Variants in TSC2 observed in about 807,000 individuals in gnomAD.
TSC2 encodes tuberin.
Under a neutral mutation model 202.2 loss-of-function variants are expected in TSC2, and 29 were observed. The ratio of observed to expected loss-of-function variants is 0.14; its 90% confidence interval spans 0.11 to 0.20. The LOEUF (loss-of-function observed/expected upper bound fraction) is 0.20. TSC2 is among the 10% of genes least tolerant of loss of function. The pLI is 1.00. For missense variants in TSC2, 2,429 were observed against 2,420.0 expected (o/e 1.00, Z -0.08); for synonymous variants, 1,349 against 1,044.0 (o/e 1.29, Z -5.63).
At chr16:2,052,102 T>C (rs565082391) in intron 3 of TSC2, among the ~76,000 whole-genome samples, 1 of 152,186 alleles carries the variant, frequency 6.6e-6, no homozygotes, top group East Asian at 1.9e-4. Flanking sequence ...CATCCTGTTC[T>C]GAAAGTTGTT....
intron 1 of TSC2, 192 bp downstream of exon 1, chr16:2,048,257 GCTC>G: frequency 7.7e-7 from 1 of 1,301,470 alleles, no homozygotes. Flanking sequence ...CTCCGTGACA[GCTC>G]CTGCTTCACA....
At position 2,054,430 on chromosome 16, in the gene TSC2, G is replaced by A. The variant is rs1449885781; in HGVS notation, c.471G>A (p.Glu157=). 6.2e-7 allele frequency: 1 copy of A among 1,614,100 alleles called. No individual in the cohort carries two copies. Among genetic ancestry groups the A allele is most frequent in the Non-Finnish European group, 8.5e-7 (1 of 1,180,054 alleles). ...ATGGGAGACACATCACCTACTTGGA[G>A]GAAGAGCTGGGTGGGTGCCACCTTG... is the stretch of plus-strand genomic sequence containing the variant. ...TDNGRHITYL[E]EELADFVLQW... Residue 157 remains glutamate (E), a synonymous_variant, in exon 5 of 42, where the codon GAG becomes GAA. Transcript: ENST00000219476.
chr16:2,054,504 A>G (rs1380402840), intron 5 of TSC2, 64 bp downstream of exon 5: 34 of 1,609,964 alleles, frequency 2.1e-5, no homozygotes, highest in Non-Finnish European at 2.7e-5. Context: ...CTGGATGGGA[A>G]GGACCTGGGG....
Position 2,083,687 on chromosome 16 carries a change from C to G in TSC2, c.3884-8C>G, listed in dbSNP as rs397515219. The G allele has an allele frequency of 2.5e-6, 4 of 1,575,778 alleles. No individual in the cohort carries two copies. The Admixed American group carries it at 7.5e-5, about 29-fold the overall frequency. ...CCACATCCAGCAGCCCCGTCTGTGT[C>G]CTCCCAGACTCCGCCGTGGTCATGG... On this transcript the variant is annotated splice_region_variant and splice_polypyrimidine_tract_variant and intron_variant, in intron 32 of 41. Transcript: ENST00000219476.
intron 3 of TSC2, 32 bp from the exon 4 acceptor site, chr16:2,053,310 A>T (rs137854185): frequency 2.6e-6 from 4 of 1,551,996 alleles, no homozygotes; most frequent in African/African-American, 1.4e-5. Flanking sequence ...TGGAGAGCAC[A>T]TCCTCACCGC....
rs1447031509 is a variant in TSC2 at position 2,076,576 on chromosome 16, G to A, written c.2828G>A (p.Arg943Lys). ...GCCCGGAGTACTAGTCTCAACGAGA[G>A]ACCCAAGAGGTACGGCCTGCGGGGG... ...FRARSTSLNE[R>K]PKSLRIARPP... Residue 943 changes from arginine to lysine, a missense_variant, in exon 25 of 42, where the codon AGA becomes AAA. Arg to Lys is a conservative substitution (Grantham distance 26). Transcript: ENST00000219476. 6.2e-7 allele frequency: 1 copy of A among 1,613,210 alleles called. No homozygotes were observed. The highest frequency in any genetic ancestry group is 8.5e-7 in the Non-Finnish European group (1 of 1,179,982).
Position 2,076,596 on chromosome 16 carries a change from C to CG in TSC2, c.2837+16dup, listed in dbSNP as rs2151396918. 1 of 1,612,370 alleles carries CG rather than the reference C, an allele frequency of 6.2e-7. No individual in the cohort carries two copies. Among genetic ancestry groups the CG allele is most frequent in the Non-Finnish European group, 8.5e-7 (1 of 1,179,672 alleles). On this transcript the variant is annotated intron_variant, in intron 25 of 41. Coordinates refer to ENST00000219476, the MANE Select transcript of TSC2 (RefSeq NM_000548.5). ...CGAGAGACCCAAGAGGTACGGCCTG[C>CG]GGGGGTGTGCCTGGAGTCGGTGTGG... is the stretch of plus-strand genomic sequence containing the variant.
chr16:2,079,812 C>T lies in TSC2; in HGVS notation c.3397+143C>T, dbSNP rs1236545715. On this transcript the variant is annotated intron_variant, in intron 29 of 41. Coordinates refer to ENST00000219476, the MANE Select transcript of TSC2 (RefSeq NM_000548.5). The surrounding 1 kb of genome is among the most constrained non-coding windows in gnomAD (Gnocchi z 4.6). ...CCCACGTCCTGACTCTGGGGTGAGC[C>T]TTCCACAGCTCACCCCAGAGCCGTG... 17 of 799,638 alleles carry T rather than the reference C, an allele frequency of 2.1e-5. No homozygotes were observed. Among genetic ancestry groups the T allele is most frequent in the Non-Finnish European group, 1.9e-5 (10 of 517,542 alleles). The allele number at this position is 799,638 out of a possible 1,614,324, so 49.5% of individuals were successfully genotyped here. A position where few individuals can be genotyped will look rare whatever the true frequency, so the allele number is the denominator to read the frequency against.
rs535984356 is a variant in TSC2 at position 2,062,571 on chromosome 16, C to G, written c.1332C>G (p.Asn444Lys). ...CGGCCAAGGACGGCTGGATTCAGAA[C>G]CTGCAGGCGCTGATGGAGAGATTCT... ...IHPAKDGWIQ[N>K]LQALMERFFR... is the part of the protein sequence containing the mutation. Residue 444 changes from asparagine (N) to lysine (K), a missense_variant, in exon 13 of 42, where the codon AAC becomes AAG. Physicochemically the swap from Asn to Lys is moderately conservative, Grantham distance 94 (BLOSUM62 0). Coordinates refer to ENST00000219476, the MANE Select transcript of TSC2 (RefSeq NM_000548.5). 1.2e-6 allele frequency: 2 copies of G among 1,611,236 alleles called. No homozygotes were observed. Among genetic ancestry groups the G allele is most frequent in the African/African-American group, 2.7e-5 (2 of 74,908 alleles).
chr16:2,074,097 A>G, intron 21 of TSC2, 103 bp from the exon 22 acceptor site: 1 of 1,479,390 alleles, frequency 6.8e-7, no homozygotes. Flanking sequence ...GGACTTGCTA[A>G]GCCTCGGCTG....
chr16:2,065,733 C>T, intron 16 of TSC2, 98 bp downstream of exon 16: 2 of 1,078,176 alleles, frequency 1.9e-6, no homozygotes, highest in Non-Finnish European at 2.8e-6. Context: ...CCAGCGGGAC[C>T]CACACCCTCC....
Position 2,056,316 on chromosome 16 carries a change from G to A in TSC2, c.648+72G>A, listed in dbSNP as rs1321233117. 3.1e-6 allele frequency: 5 copies of A among 1,592,788 alleles called. No individual in the cohort carries two copies. In the East Asian group the frequency reaches 1.1e-4, roughly 36 times the overall value. ...TGGGAGGCTGGGGCTTGGGGGTTGA[G>A]CCCTGTGTGCCACCTGCTGGCTGTG... is the stretch of plus-strand genomic sequence containing the variant. On this transcript the variant is annotated intron_variant, in intron 7 of 41. Coordinates refer to ENST00000219476, the MANE Select transcript of TSC2 (RefSeq NM_000548.5).
In TSC2 at chr16:2,072,243, G is replaced by T. The variant is rs571792874; in HGVS notation, c.2100G>T (p.Glu700Asp). 5 of 1,614,072 alleles carry T rather than the reference G, an allele frequency of 3.1e-6. No individual in the cohort carries two copies. Among genetic ancestry groups the T allele is most frequent in the Non-Finnish European group, 3.4e-6 (4 of 1,180,046 alleles). ...FRVLLQCLKQESDWKVLKLVL... is the reference protein window; with the variant it reads ...FRVLLQCLKQDSDWKVLKLVL... ...CCTGACGCCTCCTCTCCTCGCAGGA[G>T]TCTGACTGGAAGGTGCTGAAGCTGG... Residue 700 changes from glutamate (E) to aspartate (D), a missense_variant and splice_region_variant, in exon 20 of 42, where the codon GAG (glutamate) becomes GAT (aspartate). Physicochemically the swap from Glu to Asp is conservative, Grantham distance 45. Transcript: ENST00000219476.
Position 2,065,707 on chromosome 16 carries a change from T to C in TSC2, c.1716+72T>C. 4 of 1,339,598 alleles carry C rather than the reference T, an allele frequency of 3.0e-6. No homozygotes were observed. The South Asian group carries it at 4.7e-5, about 16-fold the overall frequency. The allele number at this position is 1,339,598 out of a possible 1,614,324, so 83.0% of individuals were successfully genotyped here. On this transcript the variant is annotated intron_variant, in intron 16 of 41. Transcript: ENST00000219476. ...GCGTCCACCAGCTGCATCTGCGTTG[T>C]GTTGGAGTCTGTTCCCCAGCGGGAC...
Position 2,077,751 on chromosome 16 carries a change from C to T in TSC2, c.2966+25C>T, listed in dbSNP as rs576669618. The T allele has an allele frequency of 5.6e-6, 9 of 1,610,354 alleles. No homozygotes were observed. In the South Asian group the frequency reaches 9.9e-5, roughly 18 times the overall value. ...GGTAGCGGGACTGTCGGGTGGGGGG[C>T]ACGGACCCTGGAGCTTGGCCCCGTG... On this transcript the variant is annotated intron_variant, in intron 26 of 41. Coordinates refer to ENST00000219476, the MANE Select transcript of TSC2 (RefSeq NM_000548.5).
chr16:2,071,339 G>C, intron 17 of TSC2, 171 bp from the exon 18 acceptor site: 3 of 695,512 alleles, frequency 4.3e-6, no homozygotes, highest in South Asian at 1.6e-5. Flanking sequence ...TGGGCCTCCG[G>C]TGTCACCAGG....
chr16:2,050,325 G>A, intron 2 of TSC2, 75 bp from the exon 3 acceptor site: 1 of 1,340,036 alleles, frequency 7.5e-7, no homozygotes, highest in Non-Finnish European at 1.1e-6. Context: ...GGAGTCTTTA[G>A]GTGGTTTGTG....
intron 8 of TSC2, 67 bp downstream of exon 8, chr16:2,056,836 C>G (rs1466001180): frequency 6.3e-7 from 1 of 1,596,964 alleles, no homozygotes; most frequent in Non-Finnish European, 8.5e-7. Context: ...GCCATCCTGT[C>G]TCCCATGAAT....
intron 30 of TSC2, chr16:2,080,822 G>A: frequency 5.2e-6 from 1 of 192,210 alleles, no homozygotes; most frequent in Non-Finnish European, 1.1e-5. Flanking sequence ...GGTGAGCTGT[G>A]AGGGGCGATC....
Sources: allele counts gnomAD v4.1 joint callset (sites outside exome capture counted in the v4.1 genomes callset), GRCh38; gene constraint gnomAD v4.1.1; non-coding constraint Gnocchi (gnomAD v3.1); transcripts MANE v1.5; gene names NCBI Gene and HGNC (gene_info 2026-07-23, HGNC 2026-07-21).